UNC5CL: variants seen among roughly 807,000 people sequenced by gnomAD.
UNC5CL encodes the protein unc-5 family C-terminal like, also known as UNC5C-like protein.
In UNC5CL, 42 loss-of-function variants were observed where a neutral mutation model predicts 54.1. That is an observed-to-expected ratio of 0.78 (90% confidence interval 0.61 to 1.00). The LOEUF is 1.00. UNC5CL is among the 50% of genes least tolerant of loss of function. UNC5CL has a pLI of 0.00. For synonymous variants in UNC5CL, 285 were observed against 285.1 expected (o/e 1.00, Z 0.00); for missense variants, 619 against 675.6 (o/e 0.92, Z 0.93).
chr6:41,030,473 G>T lies in UNC5CL; in HGVS notation c.1249C>A (p.Arg417=). The T allele has an allele frequency of 6.2e-7, 1 of 1,614,188 alleles. No homozygotes were observed. The highest frequency in any genetic ancestry group is 8.5e-7 in the Non-Finnish European group (1 of 1,180,030). Residue 417 remains arginine, a synonymous_variant, in exon 8 of 9, where the codon CGG becomes AGG. Coordinates refer to ENST00000244565, the MANE Select transcript of UNC5CL (RefSeq NM_173561.3). The part of the protein sequence containing the change: ...RLPPELFEQL[R]MLLEPNSITG... ...ATGCTGTTTGGCTCCAATAACATCC[G>T]CAGCTGCTCAAAGAGCTCTGGGGGC...
In UNC5CL at chr6:41,033,074, G is replaced by A. The variant is rs759426943; in HGVS notation, c.759C>T (p.Cys253=). ...ARKWLQLAVF[C]SPLVPGQSHL... is the part of the protein sequence containing the mutation. ...GGGACTGTCCTGGCACCAGCGGTGA[G>A]CAGAATACGGCCAGCTGCAGCCATT... Residue 253 remains cysteine (C), a synonymous_variant, in exon 4 of 9, where the codon TGC becomes TGT. Transcript: ENST00000244565. 7 of 1,613,162 alleles carry A rather than the reference G, an allele frequency of 4.3e-6. No individual in the cohort carries two copies. The African/African-American group carries it at 6.7e-5, about 15-fold the overall frequency.
chr6:41,030,607 A>G (rs747096966), intron 7 of UNC5CL, 48 bp downstream of exon 7: 2 of 1,609,766 alleles, frequency 1.2e-6, no homozygotes, highest in Non-Finnish European at 8.5e-7. Flanking sequence ...GTGCCAGGGT[A>G]GGAACCCAAC....
In UNC5CL at chr6:41,030,691, G is replaced by T; in HGVS notation, c.1184C>A (p.Ala395Glu). 1 of 1,614,060 alleles carries T rather than the reference G, an allele frequency of 6.2e-7. No homozygotes were observed. The highest frequency in any genetic ancestry group is 1.1e-5 in the South Asian group (1 of 91,078). ...FQASEEESWA[A>E]PPPVSQPPPC... ...GGGCGGCTGGGAAACAGGTGGTGGC[G>T]CTGCCCAGGATTCCTCCTCTGATGC... is the stretch of plus-strand genomic sequence containing the variant. The change falls in exon 7 of 9, where the codon GCG becomes GAG. Residue 395 changes from alanine to glutamate, a missense_variant. Physicochemically the swap from Ala to Glu is moderately radical, Grantham distance 107. Coordinates refer to ENST00000244565, the MANE Select transcript of UNC5CL (RefSeq NM_173561.3).
chr6:41,032,131 T>C lies in UNC5CL; in HGVS notation c.956A>G (p.Glu319Gly). The C allele has an allele frequency of 6.2e-7, 1 of 1,614,022 alleles. No individual in the cohort carries two copies. The highest frequency in any genetic ancestry group is 8.5e-7 in the Non-Finnish European group (1 of 1,179,974). ...CTGGCAACTGCTGTCATCCACATTCTCCCAACCTGGTGAGTAGGCAGACAG... is the reference window on the plus strand; with the variant it reads ...CTGGCAACTGCTGTCATCCACATTCCCCCAACCTGGTGAGTAGGCAGACAG... The part of the protein sequence containing the change: ...LKLTYISEGW[E>G]NVDDSSCQLV... The change falls in exon 5 of 9, where the codon GAG becomes GGG. Residue 319 changes from glutamate (E) to glycine (G), a missense_variant. By Grantham distance (98) the Glu-to-Gly change is moderately conservative. Coordinates refer to ENST00000244565, the MANE Select transcript of UNC5CL (RefSeq NM_173561.3).
In UNC5CL at chr6:41,028,624, G is replaced by T. The variant is rs188103882; in HGVS notation, c.1335-29C>A. On this transcript the variant is annotated intron_variant, in intron 8 of 8. Transcript: ENST00000244565. The surrounding 1 kb of genome is among the most constrained non-coding windows in gnomAD (Gnocchi z 4.3). ...GCCCGAGGTAGGGGAGGAAGAGAAG[G>T]GTGTAGGAGCAGGGAGGGGCTCCCC... The T allele has an allele frequency of 1.2e-6, 2 of 1,603,888 alleles. No individual in the cohort carries two copies. The highest frequency in any genetic ancestry group is 2.2e-5 in the South Asian group (2 of 90,642).
chr6:41,034,209 G>A, intron 2 of UNC5CL, 28 bp from the exon 3 acceptor site: 2 of 1,572,822 alleles, frequency 1.3e-6, no homozygotes, highest in South Asian at 1.2e-5. Context: ...AGCTGAGATG[G>A]GCCTGGTAGG....
chr6:41,031,669 G>A lies in UNC5CL; in HGVS notation c.1119+12C>T, dbSNP rs766665708. 3.7e-5 allele frequency: 60 copies of A among 1,613,974 alleles called. No individual in the cohort carries two copies. The highest frequency in any genetic ancestry group is 5.1e-5 in the Non-Finnish European group (60 of 1,179,906). ...GGCCCTGCCCTTCCTCTGCCCCTCA[G>A]CTCCAACTCACATCCTGGAAGGTGT... On this transcript the variant is annotated intron_variant, in intron 6 of 8. Transcript: ENST00000244565.
Position 41,032,108 on chromosome 6 carries a change from G to A in UNC5CL, c.979C>T (p.Gln327Ter). ...CAGATGTGGAGATGGGGAACCAGCT[G>A]GCAACTGCTGTCATCCACATTCTCC... ...GWENVDDSSC[Q>*]LVPHLHIWHG... Residue 327 changes from glutamine to a stop codon, truncating the protein, a stop_gained, in exon 5 of 9, where the codon CAG (glutamine) becomes TAG (stop). Coordinates refer to ENST00000244565, the MANE Select transcript of UNC5CL (RefSeq NM_173561.3). LOFTEE classifies it high-confidence loss of function. The A allele has an allele frequency of 1.2e-6, 2 of 1,614,204 alleles. No individual in the cohort carries two copies. Among genetic ancestry groups the A allele is most frequent in the Non-Finnish European group, 1.7e-6 (2 of 1,180,042 alleles).
chr6:41,033,694 G>C, intron 3 of UNC5CL, 187 bp downstream of exon 3: 1 of 649,662 alleles, frequency 1.5e-6, no homozygotes, highest in Non-Finnish European at 2.6e-6. Context: ...TCATGGACAT[G>C]ATTGATGTGA....
chr6:41,035,098 G>A lies in UNC5CL; in HGVS notation c.-24C>T. 2.0e-6 allele frequency: 3 copies of A among 1,537,644 alleles called. No individual in the cohort carries two copies. Among genetic ancestry groups the A allele is most frequent in the South Asian group, 2.5e-5 (2 of 80,382 alleles). ...ATTCGCCTGGTTACTCAATGCCGCTGGCTCTCCTTCACCCCTGTGCCAGCC... is the reference window on the plus strand; with the variant it reads ...ATTCGCCTGGTTACTCAATGCCGCTAGCTCTCCTTCACCCCTGTGCCAGCC... On this transcript the variant is annotated 5_prime_UTR_variant, in exon 2 of 9. Coordinates refer to ENST00000244565, the MANE Select transcript of UNC5CL (RefSeq NM_173561.3).
chr6:41,034,251 G>A, intron 2 of UNC5CL, 70 bp from the exon 3 acceptor site: 2 of 1,506,998 alleles, frequency 1.3e-6, no homozygotes, highest in Non-Finnish European at 1.8e-6. Flanking sequence ...AAGAGGCCAG[G>A]CCAGAGAGAA....
Position 41,028,742 on chromosome 6 carries a change from AG to A in UNC5CL, c.1335-148del. The A allele has an allele frequency of 1.3e-6, 1 of 771,896 alleles. No homozygotes were observed. The highest frequency in any genetic ancestry group is 3.8e-4 in the Middle Eastern group (1 of 2,658). The allele number at this position is 771,896 out of a possible 1,614,324, so 47.8% of individuals were successfully genotyped here. On this transcript the variant is annotated intron_variant, in intron 8 of 8. Transcript: ENST00000244565. This position sits in a 1 kb window ranked among gnomAD's most constrained non-coding sequence, Gnocchi z 4.3. Reference sequence around the variant, plus strand: ...CTTGTCCTGCTCTTGCCTGCCTTCCAGGGCACAGGAGGTGGGAAGCCCCAGG... The same window carrying A: ...CTTGTCCTGCTCTTGCCTGCCTTCCAGGCACAGGAGGTGGGAAGCCCCAGG...
chr6:41,036,123 T>C (rs1319034607), intron 1 of UNC5CL, among the ~76,000 whole-genome samples: 1 of 152,248 alleles, frequency 6.6e-6, no homozygotes, highest in African/African-American at 2.4e-5. Flanking sequence ...TAATGTGAAC[T>C]ACACATGTAA....
At chr6:41,039,009 G>A (rs1762552048) in intron 1 of UNC5CL, among the ~76,000 whole-genome samples, 153 bp downstream of exon 1, 2 of 151,938 alleles carry the variant, frequency 1.3e-5, no homozygotes, top group Non-Finnish European at 2.9e-5. Context: ...CATACCCATT[G>A]GCCAAGTCCC....
chr6:41,032,192 T>C, intron 4 of UNC5CL, 55 bp from the exon 5 acceptor site: 1 of 1,445,378 alleles, frequency 6.9e-7, no homozygotes, highest in Non-Finnish European at 9.7e-7. Context: ...TAAACAAGTA[T>C]TGAAGGGGGC....
chr6:41,031,833 A>G, intron 5 of UNC5CL, 85 bp from the exon 6 acceptor site: 4 of 1,453,118 alleles, frequency 2.8e-6, no homozygotes, highest in Non-Finnish European at 3.9e-6. Flanking sequence ...CTCTATAGTA[A>G]GACTTGGGAA....
chr6:41,028,514 G>A lies in UNC5CL; in HGVS notation c.1416C>T (p.His472=). The change falls in exon 9 of 9, where the codon CAC becomes CAT. Residue 472 remains histidine (H), a synonymous_variant. Coordinates refer to ENST00000244565, the MANE Select transcript of UNC5CL (RefSeq NM_173561.3). The surrounding 1 kb of genome is among the most constrained non-coding windows in gnomAD (Gnocchi z 4.3). ...GCCGCTCCATGACGGTCATGAGGTA[G>A]TGCAGCTCCTGCAGGCTGCCGTTCT... is the stretch of plus-strand genomic sequence containing the variant. The part of the protein sequence containing the change: ...EEQNGSLQEL[H]YLMTVMERLD... The A allele has an allele frequency of 3.1e-6, 5 of 1,613,902 alleles. No individual in the cohort carries two copies. Among genetic ancestry groups the A allele is most frequent in the Non-Finnish European group, 4.2e-6 (5 of 1,180,022 alleles).
rs769929947 is a variant in UNC5CL, at chr6:41,030,720, G to T, written c.1155C>A (p.Phe385Leu). 2 of 1,614,046 alleles carry T rather than the reference G, an allele frequency of 1.2e-6. No individual in the cohort carries two copies. The highest frequency in any genetic ancestry group is 2.7e-5 in the African/African-American group (2 of 75,012). ...CCCAGGATTCCTCCTCTGATGCCTG[G>T]AATCTGAGGATTTCCATATACTTGG... Reference protein sequence around the residue: ...LETKYMEILRFQASEEESWAA... With the variant: ...LETKYMEILRLQASEEESWAA... The change falls in exon 7 of 9, where the codon TTC becomes TTA. Residue 385 changes from phenylalanine (F) to leucine (L), a missense_variant. Phe to Leu is a conservative substitution (Grantham distance 22). Coordinates refer to ENST00000244565, the MANE Select transcript of UNC5CL (RefSeq NM_173561.3).
At chr6:41,031,624 T>C in intron 6 of UNC5CL, 57 bp downstream of exon 6, 1 of 1,576,618 alleles carries the variant, frequency 6.3e-7, no homozygotes, top group Non-Finnish European at 8.7e-7. Context: ...CTGTGCCCAC[T>C]TTGCCTAGGA....
Sources: gnomAD v4.1 joint callset for allele counts (sites outside exome capture counted in the v4.1 genomes callset) on GRCh38, gnomAD v4.1.1 for gene constraint, Gnocchi (gnomAD v3.1) non-coding constraint, MANE v1.5 for transcripts, NCBI Gene and HGNC (gene_info 2026-07-23, HGNC 2026-07-21) for gene names.